WDFY3: variants seen among roughly 807,000 people sequenced by gnomAD.
WDFY3 encodes WD repeat and FYVE domain-containing protein 3.
A neutral mutation model predicts 409.6 loss-of-function variants in WDFY3; 66 were observed. The ratio of observed to expected loss-of-function variants is 0.16; its 90% CI spans 0.13 to 0.20. The LOEUF (loss-of-function observed/expected upper bound fraction) is 0.20. Ranked by LOEUF, WDFY3 falls within the 10% of genes least tolerant of loss-of-function variation. WDFY3 has a pLI of 1.00. For missense variants in WDFY3, 3,031 were observed against 4,298.1 expected (o/e 0.71, Z 8.24); for synonymous variants, 1,521 against 1,537.1 (o/e 0.99, Z 0.25).
Position 84,693,045 on chromosome 4 carries a change from A to C in WDFY3, c.8902-13T>G. 1 of 1,608,430 alleles carries C rather than the reference A, an allele frequency of 6.2e-7. No homozygotes were observed. The highest frequency in any genetic ancestry group is 1.1e-5 in the South Asian group (1 of 89,214). ...GTTTTTTAAATAACTGGTATGAAAG[A>C]AGATGACTCACTTTATAATGAAAGA... On this transcript the variant is annotated splice_polypyrimidine_tract_variant and intron_variant, in intron 58 of 67. Transcript: ENST00000295888.
intron 22 of WDFY3, among the ~76,000 whole-genome samples, chr4:84,788,763 A>G (rs1267308472): frequency 1.3e-5 from 2 of 152,118 alleles, no homozygotes; most frequent in African/African-American, 4.8e-5. Flanking sequence ...ATAACTGGCT[A>G]TATCCCAGCA....
chr4:84,675,902 T>A (rs113981813), intron 67 of WDFY3, among the ~76,000 whole-genome samples: 2 of 152,128 alleles, frequency 1.3e-5, no homozygotes, highest in Non-Finnish European at 2.9e-5. Flanking sequence ...GAAAAATAGA[T>A]CCTCGCCTCA....
chr4:84,937,149 G>C (rs560398117), intron 1 of WDFY3, among the ~76,000 whole-genome samples: 2 of 152,116 alleles, frequency 1.3e-5, no homozygotes, highest in East Asian at 3.9e-4. Context: ...ACTCCAATTA[G>C]ACTTTTACTA....
In WDFY3 at chr4:84,757,261, A is replaced by G. The variant is rs183658273; in HGVS notation, c.5189-100T>C. On this transcript the variant is annotated intron_variant, in intron 32 of 67. Transcript: ENST00000295888. ...TAATTCAGTATGTGTTAACATTTCT[A>G]TCCAGAACATTCATACTACTATAGG... is the stretch of plus-strand genomic sequence containing the variant. 32 of 1,045,358 alleles carry G rather than the reference A, an allele frequency of 3.1e-5. No homozygotes were observed. In the East Asian group the frequency reaches 7.0e-4, roughly 23 times the overall value. 64.8% of individuals were successfully genotyped at this position (1,045,358 alleles called of 1,614,324 possible).
chr4:84,743,978 T>G (rs894495098), intron 36 of WDFY3, among the ~76,000 whole-genome samples, 179 bp from the exon 37 acceptor site: 1 of 151,210 alleles, frequency 6.6e-6, no homozygotes, highest in African/African-American at 2.4e-5. Context: ...ATTTTCTGAC[T>G]ACAGAATTAA....
At chr4:84,748,518 T>C (rs558753635) in intron 36 of WDFY3, among the ~76,000 whole-genome samples, 1 of 152,258 alleles carries the variant, frequency 6.6e-6, no homozygotes, top group South Asian at 2.1e-4. Flanking sequence ...GAATTTAGCT[T>C]GGGAAGATGA....
intron 46 of WDFY3, among the ~76,000 whole-genome samples, chr4:84,722,753 C>A (rs1393167835): frequency 2.0e-5 from 3 of 152,142 alleles, no homozygotes; most frequent in African/African-American, 7.2e-5. Flanking sequence ...TAACACTATA[C>A]CTGCCTGTTA....
At chr4:84,799,463 T>G (rs1485572841) in intron 17 of WDFY3, among the ~76,000 whole-genome samples, 1 of 152,020 alleles carries the variant, frequency 6.6e-6, no homozygotes, top group Non-Finnish European at 1.5e-5. Context: ...TGAGCCACAC[T>G]GCCTGGCCTC....
intron 42 of WDFY3, 46 bp from the exon 43 acceptor site, chr4:84,735,166 G>A: frequency 6.6e-7 from 1 of 1,519,984 alleles, no homozygotes. Context: ...TGGATTTCTG[G>A]AAAAAAATAG....
chr4:84,680,081 G>C (rs1727100561), intron 64 of WDFY3, among the ~76,000 whole-genome samples: 1 of 151,804 alleles, frequency 6.6e-6, no homozygotes, highest in Non-Finnish European at 1.5e-5. Flanking sequence ...AGTAGAGACG[G>C]GGTTTCACTA....
chr4:84,803,093 T>A (rs1279828794), intron 16 of WDFY3, among the ~76,000 whole-genome samples, 197 bp downstream of exon 16: 1 of 152,202 alleles, frequency 6.6e-6, no homozygotes, highest in East Asian at 1.9e-4. Flanking sequence ...AATGAATGAA[T>A]TAGATTCTAA....
At chr4:84,906,771 AT>A (rs574300152) in intron 2 of WDFY3, among the ~76,000 whole-genome samples, 7,367 of 136,766 alleles carry the variant, frequency 0.054, 354 homozygotes, top group African/African-American at 0.15. Flanking sequence ...ATATTTTGTG[AT>A]TTTTTTTTTT....
chr4:84,731,065 G>A (rs1411934376), intron 44 of WDFY3, among the ~76,000 whole-genome samples: 1 of 152,124 alleles, frequency 6.6e-6, no homozygotes, highest in African/African-American at 2.4e-5. Flanking sequence ...CCAAAGTGCT[G>A]GGATTACAGG....
chr4:84,762,134 A>G (rs1435275498), intron 32 of WDFY3, among the ~76,000 whole-genome samples: 1 of 152,076 alleles, frequency 6.6e-6, no homozygotes, highest in Non-Finnish European at 1.5e-5. Context: ...AAGGAATATA[A>G]ATCATGCTGC....
intron 40 of WDFY3, among the ~76,000 whole-genome samples, chr4:84,738,463 G>A (rs935551284): frequency 6.6e-6 from 1 of 151,996 alleles, no homozygotes; most frequent in Non-Finnish European, 1.5e-5. Flanking sequence ...TAAGCCAGGC[G>A]TGGTGATGTG....
intron 2 of WDFY3, among the ~76,000 whole-genome samples, chr4:84,899,167 G>A (rs1012855062): frequency 6.6e-6 from 1 of 152,134 alleles, no homozygotes; most frequent in Non-Finnish European, 1.5e-5. Flanking sequence ...CAACCTCCTT[G>A]AAATGTTTGA....
At chr4:84,702,006 G>A (rs1378547324) in intron 56 of WDFY3, among the ~76,000 whole-genome samples, 1 of 152,086 alleles carries the variant, frequency 6.6e-6, no homozygotes. Context: ...GGAGTAATCT[G>A]TCTCAATATT....
At chr4:84,782,725 T>C (rs868013580) in intron 25 of WDFY3, among the ~76,000 whole-genome samples, 7 of 152,358 alleles carry the variant, frequency 4.6e-5, no homozygotes, top group Admixed American at 6.5e-5. Flanking sequence ...CATTCCTTTT[T>C]ATGGCTGTAT....
intron 3 of WDFY3, among the ~76,000 whole-genome samples, chr4:84,869,533 A>G (rs1178583303): frequency 2.0e-5 from 3 of 152,200 alleles, no homozygotes. Context: ...ACTTCTTTCC[A>G]TAAATAAAAA....
Sources: gnomAD v4.1 joint callset for allele counts (sites outside exome capture counted in the v4.1 genomes callset) on GRCh38, gnomAD v4.1.1 for gene constraint, MANE v1.5 for transcripts, NCBI Gene and HGNC (gene_info 2026-07-23, HGNC 2026-07-21) for gene names.